The following TRPV3 variants were observed in gnomAD, a reference collection of about 807,000 sequenced individuals.
TRPV3 encodes transient receptor potential cation channel subfamily V member 3.
TRPV3 carries 88 observed loss-of-function variants against 87.1 expected under a neutral mutation model. That is an observed-to-expected ratio of 1.01 (90% CI 0.85 to 1.21). The LOEUF is 1.21. Among genes scored for constraint, TRPV3 ranks in the 50% most tolerant of loss-of-function variants. TRPV3 has a pLI of 0.00. For missense variants in TRPV3, 1,054 were observed against 1,030.1 expected, an observed-to-expected ratio of 1.02 and a Z score of -0.32; for synonymous variants, 438 against 423.3, an observed-to-expected ratio of 1.03 and a Z score of -0.43.
At chr17:3,515,897 G>A (rs1182533042) in intron 16 of TRPV3, among the ~76,000 whole-genome samples, 7 of 151,948 alleles carry the variant, frequency 4.6e-5, no homozygotes, top group Non-Finnish European at 8.8e-5. Flanking sequence ...CAAAAAAGCA[G>A]AGAGAGGGGC....
At chr17:3,515,892 A>G (rs1258700564) in intron 16 of TRPV3, among the ~76,000 whole-genome samples, 1 of 151,874 alleles carries the variant, frequency 6.6e-6, no homozygotes, top group Non-Finnish European at 1.5e-5. Flanking sequence ...ACCTCCAAAA[A>G]AGCAGAGAGA....
At chr17:3,532,388 C>G (rs1451556179) in intron 8 of TRPV3, among the ~76,000 whole-genome samples, 1 of 152,252 alleles carries the variant, frequency 6.6e-6, no homozygotes, top group South Asian at 2.1e-4. Context: ...GCTCCCCCAG[C>G]CTAGCCCTCC....
In TRPV3 at chr17:3,528,870, G is replaced by T. The variant is rs750391529; in HGVS notation, c.1368C>A (p.Thr456=). 1.5e-5 allele frequency: 25 copies of T among 1,614,208 alleles called. No homozygotes were observed. The South Asian group carries it at 2.4e-4, about 16-fold the overall frequency. ...CFYFFYNITL[T]LVSYYRPREE... is the part of the protein sequence containing the mutation. ...CCCGGGGGCGGTAGTACGAGACGAG[G>T]GTCAGGGTGATGTTGTAGAAGAAAT... is the stretch of plus-strand genomic sequence containing the variant. The change falls in exon 10 of 18, where the codon ACC becomes ACA. Residue 456 remains threonine, a synonymous_variant. Transcript: ENST00000576742. The surrounding 1 kb of genome is among the most constrained non-coding windows in gnomAD (Gnocchi z 4.2).
At chr17:3,541,028 C>G (rs1272999905) in intron 6 of TRPV3, among the ~76,000 whole-genome samples, 1 of 152,174 alleles carries the variant, frequency 6.6e-6, no homozygotes, top group African/African-American at 2.4e-5. Flanking sequence ...TTACTTTCTC[C>G]CATGAGAAGG....
Position 3,545,192 on chromosome 17 carries a change from G to T in TRPV3, c.199C>A (p.Pro67Thr), listed in dbSNP as rs1380626483. 1 of 1,613,830 alleles carries T rather than the reference G, an allele frequency of 6.2e-7. No homozygotes were observed. The highest frequency in any genetic ancestry group is 8.5e-7 in the Non-Finnish European group (1 of 1,179,890). ...AKTSPPVFSK[P>T]MDSNIRQCIS... is the part of the protein sequence containing the mutation. ...CACTGCCGGATGTTGGAATCCATGG[G>T]CTTGGAGAAGACAGGAGGAGAGGTC... is the stretch of plus-strand genomic sequence containing the variant. Residue 67 changes from proline (P) to threonine (T), a missense_variant, in exon 3 of 18, where the codon CCC becomes ACC. Pro to Thr is a conservative substitution (Grantham distance 38). Coordinates refer to ENST00000576742, the MANE Select transcript of TRPV3 (RefSeq NM_145068.4).
chr17:3,519,628 GGATGATTA>G (rs372034348), intron 14 of TRPV3, among the ~76,000 whole-genome samples: 150 of 140,138 alleles, frequency 1.1e-3, no homozygotes, highest in South Asian at 2.0e-3. Context: ...ATGGATGGAT[GGATGATTA>G]GATGGATGAT....
At chr17:3,532,471 C>T (rs983499580) in intron 8 of TRPV3, among the ~76,000 whole-genome samples, 186 bp downstream of exon 8, 1 of 152,262 alleles carries the variant, frequency 6.6e-6, no homozygotes, top group Non-Finnish European at 1.5e-5. Context: ...ACCAGCTCCG[C>T]GTGGCCCCTC....
At chr17:3,527,369 C>A (rs1210408097) in intron 11 of TRPV3, among the ~76,000 whole-genome samples, 1 of 152,200 alleles carries the variant, frequency 6.6e-6, no homozygotes, top group African/African-American at 2.4e-5. Context: ...CATTCCCTGT[C>A]CCCAGATAAA....
intron 12 of TRPV3, among the ~76,000 whole-genome samples, chr17:3,525,264 C>T (rs954382931): frequency 3.9e-5 from 6 of 152,196 alleles, no homozygotes; most frequent in Admixed American, 6.5e-5. Context: ...AGGTGATCCA[C>T]CCACCTCGGC....
chr17:3,527,023 G>T, intron 11 of TRPV3, 96 bp from the exon 12 acceptor site: 1 of 970,570 alleles, frequency 1.0e-6, no homozygotes, highest in Non-Finnish European at 1.6e-6. Context: ...GACTCAGTGA[G>T]GGTTGAATGC....
rs188514869 is a variant in TRPV3, at chr17:3,531,647, A to G, written c.1065+1010T>C. On this transcript the variant is annotated intron_variant, in intron 8 of 17. Transcript: ENST00000576742. Reference sequence around the variant, plus strand: ...GGGTGGCAGGGACAGCACCCGCCACAGTGGCACACAGGGAAGACGGCCTTG... The same window carrying G: ...GGGTGGCAGGGACAGCACCCGCCACGGTGGCACACAGGGAAGACGGCCTTG... Among the ~76,000 whole-genome samples the G allele has an allele frequency of 6.5e-3, 985 of 152,300 alleles. 48 individuals carry two copies. The highest frequency in any genetic ancestry group is 0.055 in the Admixed American group (836 of 15,294).
intron 6 of TRPV3, among the ~76,000 whole-genome samples, chr17:3,540,014 G>C (rs2074444089): frequency 1.3e-5 from 2 of 151,880 alleles, no homozygotes; most frequent in Admixed American, 1.3e-4. Flanking sequence ...GGCAGAGGTT[G>C]TGCCACTGCA....
rs1371505081 is a variant in TRPV3 at position 3,556,418 on chromosome 17, C to T, written c.-3+1258G>A. Among the ~76,000 whole-genome samples, 3 of 151,606 alleles carry T rather than the reference C, an allele frequency of 2.0e-5. No homozygotes were observed. Among genetic ancestry groups the T allele is most frequent in the Admixed American group, 2.0e-4 (3 of 15,222 alleles). ...AGGGATGACATGGGCGGGGAAAGGGCTGTGTGGACAGGTGGTGACTGTGTG... is the reference window on the plus strand; with the variant it reads ...AGGGATGACATGGGCGGGGAAAGGGTTGTGTGGACAGGTGGTGACTGTGTG... On this transcript the variant is annotated intron_variant, in intron 1 of 17. Coordinates refer to ENST00000576742, the MANE Select transcript of TRPV3 (RefSeq NM_145068.4). This position sits in a 1 kb window ranked among gnomAD's most constrained non-coding sequence, Gnocchi z 4.2.
chr17:3,548,966 C>T (rs1177474857), intron 2 of TRPV3, among the ~76,000 whole-genome samples: 1 of 152,150 alleles, frequency 6.6e-6, no homozygotes, highest in Non-Finnish European at 1.5e-5. Flanking sequence ...AAGTGGGCAT[C>T]GGAGGTCAAC....
intron 6 of TRPV3, among the ~76,000 whole-genome samples, chr17:3,536,658 T>C (rs188174166): frequency 1.3e-5 from 2 of 151,196 alleles, no homozygotes; most frequent in East Asian, 3.9e-4. Context: ...ACATGAAGGG[T>C]GGAGAAAGGA....
chr17:3,548,501 A>C (rs183014419), intron 2 of TRPV3, among the ~76,000 whole-genome samples: 1 of 152,232 alleles, frequency 6.6e-6, no homozygotes, highest in Non-Finnish European at 1.5e-5. Flanking sequence ...GTTGCTTGGC[A>C]TGGCCACTTC....
intron 2 of TRPV3, chr17:3,552,810 AG>A (rs1276260994): frequency 2.0e-5 from 3 of 152,260 alleles, no homozygotes; most frequent in African/African-American, 7.2e-5. Context: ...CCCCTGGACA[AG>A]TGAGAGCGGA....
rs776346517 is a variant in TRPV3 at position 3,542,666 on chromosome 17, T to G, written c.499A>C (p.Thr167Pro). 6.2e-7 allele frequency: 1 copy of G among 1,614,070 alleles called. No homozygotes were observed. The highest frequency in any genetic ancestry group is 8.5e-7 in the Non-Finnish European group (1 of 1,179,982). Residue 167 changes from threonine to proline, a missense_variant, in exon 6 of 18, where the codon ACG becomes CCG. Transcript: ENST00000576742. ...FLMHKLTASD[T>P]GKTCLMKALL... Reference sequence around the variant, plus strand: ...GCCTTCATCAGGCAGGTCTTCCCCGTGTCGGAGGCCGTCAGCTTGTGCATG... The same window carrying G: ...GCCTTCATCAGGCAGGTCTTCCCCGGGTCGGAGGCCGTCAGCTTGTGCATG...
intron 2 of TRPV3, among the ~76,000 whole-genome samples, chr17:3,550,977 C>A (rs1022357656): frequency 6.6e-5 from 10 of 152,186 alleles, no homozygotes; most frequent in African/African-American, 2.4e-4. Context: ...TCCCAATGAC[C>A]ATGTCAACCT....
Sources: gnomAD v4.1 joint callset for allele counts (sites outside exome capture counted in the v4.1 genomes callset) on GRCh38, gnomAD v4.1.1 for gene constraint, Gnocchi (gnomAD v3.1) non-coding constraint, MANE v1.5 for transcripts, NCBI Gene and HGNC (gene_info 2026-07-23, HGNC 2026-07-21) for gene names.